The following RALYL variants were observed in gnomAD, a reference collection of about 807,000 sequenced individuals.
RALYL encodes RALY RNA binding protein like, also known as RNA-binding Raly-like protein.
In RALYL, 29 loss-of-function variants were observed where a neutral mutation model predicts 35.1. The observed-to-expected ratio is 0.83, with a 90% CI of 0.61 to 1.13. The LOEUF (loss-of-function observed/expected upper bound fraction) is 1.13. Ranked by LOEUF, RALYL falls within the 50% of genes most tolerant of loss-of-function variation. The pLI, the probability that RALYL is intolerant of heterozygous loss-of-function variation, is 0.00. For missense variants in RALYL, 359 were observed against 360.4 expected (o/e 1.00, Z 0.03); for synonymous variants, 120 against 127.6 (o/e 0.94, Z 0.40).
At chr8:84,466,778 T>A (rs550888484) in intron 1 of RALYL, among the ~76,000 whole-genome samples, 1 of 130,038 alleles carries the variant, frequency 7.7e-6, no homozygotes, top group African/African-American at 2.7e-5. Flanking sequence ...GGTCCTGGAC[T>A]CTTTTGGTTG....
chr8:84,490,929 C>T (rs1173805826), intron 1 of RALYL, among the ~76,000 whole-genome samples: 5 of 151,286 alleles, frequency 3.3e-5, no homozygotes, highest in South Asian at 2.1e-4. Context: ...TTTTAGAAAC[C>T]GCTCATGTTG....
chr8:84,786,299 G>A (rs1304176560), intron 3 of RALYL, among the ~76,000 whole-genome samples: 1 of 152,156 alleles, frequency 6.6e-6, no homozygotes. Flanking sequence ...ATGTGTGCAT[G>A]TATCCTTATA....
intron 2 of RALYL, among the ~76,000 whole-genome samples, chr8:84,617,018 G>A (rs1588535535): frequency 6.6e-6 from 1 of 150,788 alleles, no homozygotes; most frequent in East Asian, 1.9e-4. Context: ...TTTGAAGTCA[G>A]GTAGTGTGAT....
At chr8:84,356,558 A>C (rs192158589) in intron 1 of RALYL, among the ~76,000 whole-genome samples, 1 of 150,032 alleles carries the variant, frequency 6.7e-6, no homozygotes. Flanking sequence ...TCCCTTTTAT[A>C]ATAAGCAAAT....
intron 1 of RALYL, among the ~76,000 whole-genome samples, chr8:84,186,130 C>A (rs1185454347): frequency 1.3e-5 from 2 of 152,120 alleles, no homozygotes; most frequent in African/African-American, 4.8e-5. Context: ...TGAAGGAAAT[C>A]CTGTTGCATT....
chr8:84,584,280 A>G (rs1247228454), intron 2 of RALYL, among the ~76,000 whole-genome samples: 1 of 152,200 alleles, frequency 6.6e-6, no homozygotes, highest in Non-Finnish European at 1.5e-5. Flanking sequence ...ACAAAGTACC[A>G]CATTCCCACA....
intron 1 of RALYL, among the ~76,000 whole-genome samples, chr8:84,461,423 C>A (rs998288016): frequency 1.3e-5 from 2 of 151,560 alleles, no homozygotes; most frequent in Non-Finnish European, 3.0e-5. Context: ...ACGGAATTCA[C>A]AAGTAAAATG....
rs151080674 is a variant in RALYL, at chr8:84,733,529, A to T, written c.257-41050A>T. On this transcript the variant is annotated intron_variant, in intron 2 of 8. Transcript: ENST00000521268. ...AATAGTATTGATACTAGGAGCACAAAGTTAAAGTCCTAAATATGGAGAATG... is the reference window on the plus strand; with the variant it reads ...AATAGTATTGATACTAGGAGCACAATGTTAAAGTCCTAAATATGGAGAATG... Among the ~76,000 whole-genome samples, 198 of 152,304 alleles carry T rather than the reference A, an allele frequency of 1.3e-3. 2 individuals carry two copies. The East Asian group carries it at 0.025, about 20-fold the overall frequency.
At chr8:84,817,747 G>T (rs928550203) in intron 4 of RALYL, among the ~76,000 whole-genome samples, 2 of 151,860 alleles carry the variant, frequency 1.3e-5, no homozygotes, top group Non-Finnish European at 2.9e-5. Context: ...GAAACGGGGG[G>T]TCTCACTGTG....
At chr8:84,796,486 T>G (rs949604098) in intron 3 of RALYL, among the ~76,000 whole-genome samples, 1 of 152,228 alleles carries the variant, frequency 6.6e-6, no homozygotes, top group Non-Finnish European at 1.5e-5. Context: ...AAATGAATTT[T>G]TAAGAATACT....
chr8:84,672,481 A>G (rs1019146126), intron 2 of RALYL, among the ~76,000 whole-genome samples: 1 of 152,178 alleles, frequency 6.6e-6, no homozygotes, highest in Non-Finnish European at 1.5e-5. Flanking sequence ...ATTTTTGGGT[A>G]TCTTTACAGC....
At chr8:84,526,546 C>T (rs999235597) in intron 1 of RALYL, among the ~76,000 whole-genome samples, 1 of 152,176 alleles carries the variant, frequency 6.6e-6, no homozygotes, top group Admixed American at 6.5e-5. Context: ...GCAATAACTT[C>T]TTGCCCAGCC....
intron 4 of RALYL, among the ~76,000 whole-genome samples, chr8:84,806,021 C>A (rs1298029852): frequency 2.0e-5 from 3 of 152,008 alleles, no homozygotes; most frequent in Non-Finnish European, 4.4e-5. Flanking sequence ...TTTAAGTGAC[C>A]AGATCAATTT....
intron 1 of RALYL, among the ~76,000 whole-genome samples, chr8:84,192,758 A>G (rs1242615039): frequency 6.6e-6 from 1 of 151,674 alleles, no homozygotes; most frequent in Non-Finnish European, 1.5e-5. Context: ...GAGTTTCACC[A>G]TGTTGACCAG....
chr8:84,384,747 C>T (rs757272533), intron 1 of RALYL, among the ~76,000 whole-genome samples: 1 of 151,728 alleles, frequency 6.6e-6, no homozygotes, highest in African/African-American at 2.4e-5. Flanking sequence ...TGGATTGACA[C>T]CAGTCCGTCC....
chr8:84,299,630 T>C (rs1008262513), intron 1 of RALYL, among the ~76,000 whole-genome samples: 1 of 152,016 alleles, frequency 6.6e-6, no homozygotes, highest in Non-Finnish European at 1.5e-5. Context: ...TTTTAATTAT[T>C]GATTCAACTT....
intron 4 of RALYL, among the ~76,000 whole-genome samples, chr8:84,822,791 C>T (rs1828816460): frequency 6.6e-6 from 1 of 152,044 alleles, no homozygotes; most frequent in Admixed American, 6.6e-5. Flanking sequence ...CTAACAGTAC[C>T]CGCCAAACTA....
chr8:84,184,019 A>C lies in RALYL; in HGVS notation c.-429A>C, dbSNP rs893909218. 1.3e-5 allele frequency: 2 copies of C among 152,182 alleles called. No individual in the cohort carries two copies. Among genetic ancestry groups the C allele is most frequent in the Non-Finnish European group, 2.9e-5 (2 of 68,028 alleles). 9.4% of individuals were successfully genotyped at this position (152,182 alleles called of 1,614,324 possible). ...GTTTGTGGTCTTGCAATACTGGTGC[A>C]AACCACTGAGCAAAGACATTAATTT... On this transcript the variant is annotated 5_prime_UTR_variant, in exon 1 of 9. Coordinates refer to ENST00000521268, the MANE Select transcript of RALYL (RefSeq NM_173848.7).
chr8:84,261,888 A>G (rs1832377499), intron 1 of RALYL, among the ~76,000 whole-genome samples: 1 of 152,128 alleles, frequency 6.6e-6, no homozygotes, highest in South Asian at 2.1e-4. Flanking sequence ...TCATCACATT[A>G]ATTCAGATTT....
Sources: gnomAD v4.1 joint callset for allele counts (sites outside exome capture counted in the v4.1 genomes callset) on GRCh38, gnomAD v4.1.1 for gene constraint, MANE v1.5 for transcripts, NCBI Gene and HGNC (gene_info 2026-07-23, HGNC 2026-07-21) for gene names.